DMXL1: variants seen among roughly 807,000 people sequenced by gnomAD.
The protein encoded by DMXL1 is Dmx like 1.
A neutral mutation model predicts 319.2 loss-of-function variants in DMXL1; 99 were observed. That is an observed-to-expected ratio of 0.31 (90% CI 0.26 to 0.37). The LOEUF (loss-of-function observed/expected upper bound fraction) is 0.37, where lower values mean the gene tolerates loss of function less well. Ranked by LOEUF, DMXL1 falls within the 10% of genes least tolerant of loss-of-function variation. DMXL1 has a pLI of 1.00. For missense variants in DMXL1, 3,745 were observed against 3,595.6 expected (o/e 1.04, Z -1.06); for synonymous variants, 1,385 against 1,235.2 (o/e 1.12, Z -2.54).
intron 15 of DMXL1, among the ~76,000 whole-genome samples, chr5:119,145,019 C>G (rs1768205747): frequency 6.6e-6 from 1 of 151,690 alleles, no homozygotes; most frequent in Non-Finnish European, 1.5e-5. Context: ...AATTTAAAAA[C>G]TAATTGTCTT....
chr5:119,133,931 A>G lies in DMXL1; in HGVS notation c.2007A>G (p.Pro669=), dbSNP rs372182458. The G allele has an allele frequency of 1.4e-5, 23 of 1,614,098 alleles. No individual in the cohort carries two copies. The highest frequency in any genetic ancestry group is 1.9e-5 in the Non-Finnish European group (23 of 1,180,042). The part of the protein sequence containing the change: ...NALRTPDVDN[P]EQPFDALNIE... ...TAAGGACACCAGATGTTGATAACCCAGAGCAACCTTTTGATGCTCTAAATA... is the reference window on the plus strand; with the variant it reads ...TAAGGACACCAGATGTTGATAACCCGGAGCAACCTTTTGATGCTCTAAATA... The change falls in exon 12 of 44, where the codon CCA becomes CCG. Residue 669 remains proline (P), a synonymous_variant. Transcript: ENST00000539542.
chr5:119,084,583 G>A (rs982538457), intron 1 of DMXL1, among the ~76,000 whole-genome samples: 1 of 152,080 alleles, frequency 6.6e-6, no homozygotes, highest in South Asian at 2.1e-4. Context: ...ACGATCCTTG[G>A]CTGGGTGCTG....
At chr5:119,204,033 A>G (rs980871113) in intron 33 of DMXL1, among the ~76,000 whole-genome samples, 2 of 152,062 alleles carry the variant, frequency 1.3e-5, no homozygotes, top group African/African-American at 4.8e-5. Context: ...TGTGTTAGCC[A>G]GGATGGTCTC....
In DMXL1 at chr5:119,189,665, A is replaced by G. The variant is rs765885688; in HGVS notation, c.7136-43A>G. ...TGTAAACACAGGTGAAATAAATGCA[A>G]TGAAAATAGTACTTCAGTAACATTT... On this transcript the variant is annotated intron_variant, in intron 28 of 43. Coordinates refer to ENST00000539542, the MANE Select transcript of DMXL1 (RefSeq NM_001290321.3). 6 of 1,579,216 alleles carry G rather than the reference A, an allele frequency of 3.8e-6. No individual in the cohort carries two copies. The South Asian group carries it at 5.6e-5, about 15-fold the overall frequency.
chr5:119,244,332 T>G (rs763091533), intron 42 of DMXL1, 27 bp from the exon 43 acceptor site: 1 of 1,565,896 alleles, frequency 6.4e-7, no homozygotes, highest in Non-Finnish European at 8.7e-7. Flanking sequence ...GTTAAGTGTT[T>G]TTGTTTTTTT....
At chr5:119,106,211 C>A (rs1486484961) in intron 4 of DMXL1, among the ~76,000 whole-genome samples, 2 of 152,174 alleles carry the variant, frequency 1.3e-5, no homozygotes, top group Non-Finnish European at 2.9e-5. Context: ...TGTAGCAGGG[C>A]AGCCTGGATT....
At chr5:119,095,502 A>G (rs555544349) in intron 1 of DMXL1, among the ~76,000 whole-genome samples, 2 of 152,368 alleles carry the variant, frequency 1.3e-5, no homozygotes, top group Admixed American at 1.3e-4. Flanking sequence ...AATACTTGCA[A>G]CGTAATATCT....
At chr5:119,167,999 T>G (rs1291594214) in intron 23 of DMXL1, 135 bp downstream of exon 23, 14 of 818,536 alleles carry the variant, frequency 1.7e-5, no homozygotes, top group Admixed American at 4.0e-5. Flanking sequence ...TTTGGTTGGT[T>G]GTTTGGTTTT....
intron 3 of DMXL1, chr5:119,104,210 A>G (rs1757863489): frequency 6.6e-6 from 1 of 152,196 alleles, no homozygotes; most frequent in African/African-American, 2.4e-5. Flanking sequence ...TGCTCTGGGA[A>G]TTTCTACATC....
At chr5:119,093,981 A>G (rs1755373975) in intron 1 of DMXL1, among the ~76,000 whole-genome samples, 1 of 152,244 alleles carries the variant, frequency 6.6e-6, no homozygotes, top group Non-Finnish European at 1.5e-5. Context: ...AGGTTGGTTC[A>G]TGAGGTATAA....
chr5:119,227,516 G>A (rs1785811211), intron 38 of DMXL1, among the ~76,000 whole-genome samples: 1 of 152,052 alleles, frequency 6.6e-6, no homozygotes, highest in African/African-American at 2.4e-5. Flanking sequence ...AGAAAATCCT[G>A]GGGTTCCTTT....
chr5:119,156,505 C>G (rs961112198), intron 19 of DMXL1, among the ~76,000 whole-genome samples: 1 of 152,160 alleles, frequency 6.6e-6, no homozygotes, highest in Non-Finnish European at 1.5e-5. Flanking sequence ...TTGATGGATA[C>G]TTAGGTTGAA....
intron 19 of DMXL1, among the ~76,000 whole-genome samples, chr5:119,152,321 T>C (rs1261044769): frequency 6.6e-6 from 1 of 152,152 alleles, no homozygotes; most frequent in Non-Finnish European, 1.5e-5. Context: ...TGTTTCATTT[T>C]CTTTAATTTC....
At chr5:119,093,647 A>G (rs1412313092) in intron 1 of DMXL1, among the ~76,000 whole-genome samples, 1 of 152,224 alleles carries the variant, frequency 6.6e-6, no homozygotes, top group Non-Finnish European at 1.5e-5. Context: ...AAAGCTAGAA[A>G]TGATTAAGTT....
In DMXL1 at chr5:119,118,976, G is replaced by T. The variant is rs779836749; in HGVS notation, c.905G>T (p.Ser302Ile). Reference sequence around the variant, plus strand: ...AATAACTTCAAGAGAAATGCTTCCAGTAAAGAACGAGTTCAAAATGCTTTA... The same window carrying T: ...AATAACTTCAAGAGAAATGCTTCCATTAAAGAACGAGTTCAAAATGCTTTA... Reference protein sequence around the residue: ...LTNNFKRNASSKERVQNALEV... With the variant: ...LTNNFKRNASIKERVQNALEV... Residue 302 changes from serine (S) to isoleucine (I), a missense_variant, in exon 8 of 44, where the codon AGT (serine) becomes ATT (isoleucine). Physicochemically the swap from Ser to Ile is moderately radical, Grantham distance 142. This residue lies in a region of DMXL1 where 2,096 missense variants were observed against 1,985.4 expected (regional missense o/e 1.06). Coordinates refer to ENST00000539542, the MANE Select transcript of DMXL1 (RefSeq NM_001290321.3). 6.2e-7 allele frequency: 1 copy of T among 1,612,080 alleles called. No homozygotes were observed. Among genetic ancestry groups the T allele is most frequent in the Non-Finnish European group, 8.5e-7 (1 of 1,179,370 alleles).
chr5:119,111,977 T>A (rs1759714800), intron 5 of DMXL1, among the ~76,000 whole-genome samples: 1 of 152,344 alleles, frequency 6.6e-6, no homozygotes, highest in East Asian at 1.9e-4. Context: ...TTTTTTTTTT[T>A]TGAGACGAAG....
intron 19 of DMXL1, among the ~76,000 whole-genome samples, chr5:119,153,650 A>G (rs1332156372): frequency 2.0e-5 from 3 of 152,220 alleles, no homozygotes; most frequent in African/African-American, 7.2e-5. Flanking sequence ...TCGATTCCAC[A>G]GATAAGTGAG....
chr5:119,150,868 C>G (rs1014936295), intron 18 of DMXL1, among the ~76,000 whole-genome samples: 1 of 151,454 alleles, frequency 6.6e-6, no homozygotes, highest in Non-Finnish European at 1.5e-5. Flanking sequence ...TTTTTCCCCC[C>G]GAGACTATCA....
rs772111990 is a variant in DMXL1 at position 119,170,400 on chromosome 5, G to T, written c.5609G>T (p.Cys1870Phe). Reference sequence around the variant, plus strand: ...GCCAGTGCTCATTTAAAAGCTGGCTGCCCAATGTTGGCTTTGGAAGTATTA... The same window carrying T: ...GCCAGTGCTCATTTAAAAGCTGGCTTCCCAATGTTGGCTTTGGAAGTATTA... ...TTASAHLKAG[C>F]PMLALEVLSK... The change falls in exon 24 of 44, where the codon TGC becomes TTC. Residue 1870 changes from cysteine (C) to phenylalanine (F), a missense_variant. Physicochemically the swap from Cys to Phe is radical, Grantham distance 205. Transcript: ENST00000539542. The T allele has an allele frequency of 3.1e-6, 5 of 1,613,984 alleles. No individual in the cohort carries two copies. The South Asian group carries it at 5.5e-5, about 18-fold the overall frequency.
Sources: allele counts gnomAD v4.1 joint callset (sites outside exome capture counted in the v4.1 genomes callset), GRCh38; gene constraint gnomAD v4.1.1; regional missense constraint gnomAD v4.1.1; transcripts MANE v1.5; gene names NCBI Gene and HGNC (gene_info 2026-07-23, HGNC 2026-07-21).